DCAF11: variants seen among roughly 807,000 people sequenced by gnomAD.
DCAF11 encodes the protein DDB1- and CUL4-associated factor 11.
In DCAF11, 44 loss-of-function variants were observed where a neutral mutation model predicts 76.1. The ratio of observed to expected loss-of-function variants is 0.58; its 90% confidence interval spans 0.45 to 0.74. DCAF11 has a LOEUF of 0.74. Among genes scored for constraint, DCAF11 ranks in the 30% least tolerant of loss-of-function variants. DCAF11 has a pLI of 0.00. For synonymous variants in DCAF11, 258 were observed against 255.0 expected, an observed-to-expected ratio of 1.01 and a Z score of -0.11; for missense variants, 604 against 709.4, an observed-to-expected ratio of 0.85 and a Z score of 1.69.
chr14:24,116,875 G>A, intron 2 of DCAF11, 42 bp from the exon 3 acceptor site: 1 of 1,612,878 alleles, frequency 6.2e-7, no homozygotes, highest in East Asian at 2.2e-5. Flanking sequence ...GGTTGGTTTG[G>A]GGGAAGAAGT....
Position 24,123,433 on chromosome 14 carries a change from G to T in DCAF11, c.*124G>T. The T allele has an allele frequency of 7.1e-7, 1 of 1,402,964 alleles. No homozygotes were observed. The highest frequency in any genetic ancestry group is 9.4e-7 in the Non-Finnish European group (1 of 1,066,902). 86.9% of individuals were successfully genotyped at this position (1,402,964 alleles called of 1,614,324 possible). A position where few individuals can be genotyped will look rare whatever the true frequency, so the allele number is the denominator to read the frequency against. On this transcript the variant is annotated 3_prime_UTR_variant, in exon 15 of 15. Coordinates refer to ENST00000446197, the MANE Select transcript of DCAF11 (RefSeq NM_025230.5). ...ATTTGATGGGGAATAACATAAGCCT[G>T]GGCTCTGAGCCTCAGCTGAGCCCTG...
In DCAF11 at chr14:24,117,179, G is replaced by A. The variant is rs2037596877; in HGVS notation, c.284-87G>A. On this transcript the variant is annotated intron_variant, in intron 3 of 14. Transcript: ENST00000446197. The surrounding 1 kb of genome is among the most constrained non-coding windows in gnomAD (Gnocchi z 4.3). ...AGTCCTTACAGCCCCAGTATATTCA[G>A]CCACAGGGGTGGGCTTGGGTACAGT... The A allele has an allele frequency of 6.2e-7, 1 of 1,603,096 alleles. No individual in the cohort carries two copies. The highest frequency in any genetic ancestry group is 1.7e-5 in the Admixed American group (1 of 59,322).
chr14:24,118,563 C>A, intron 7 of DCAF11, 29 bp downstream of exon 7: 1 of 1,608,796 alleles, frequency 6.2e-7, no homozygotes, highest in Non-Finnish European at 8.5e-7. Context: ...TCCACTGACT[C>A]TCCAGCCTGG....
rs1426598405 is a variant in DCAF11 at position 24,123,306 on chromosome 14, G to A, written c.1638G>A (p.Gln546=). The part of the protein sequence containing the change: ...PQSSTPFSSP[Q] ...CCTCTACACCCTTTTCCTCACCCCA[G>A]TAGATCCAACCTCCAGCCCCATATA... The change falls in exon 15 of 15, where the codon CAG becomes CAA. Residue 546 remains glutamine (Q), a synonymous_variant. Transcript: ENST00000446197. 3 of 1,525,784 alleles carry A rather than the reference G, an allele frequency of 2.0e-6. No homozygotes were observed. The highest frequency in any genetic ancestry group is 1.8e-4 in the Middle Eastern group (1 of 5,616). The allele number at this position is 1,525,784 out of a possible 1,614,324, so 94.5% of individuals were successfully genotyped here.
rs931759657 is a variant in DCAF11 at position 24,121,083 on chromosome 14, C to T, written c.1246+92C>T. On this transcript the variant is annotated intron_variant, in intron 12 of 14. Coordinates refer to ENST00000446197, the MANE Select transcript of DCAF11 (RefSeq NM_025230.5). The stretch of plus-strand genomic sequence containing the variant: ...CAGCCCTCTTTGCCAGGCATTAACT[C>T]TTTATTTGCTAAATCATGGATGGAA... 1.9e-5 allele frequency: 29 copies of T among 1,510,940 alleles called. No homozygotes were observed. In the African/African-American group the frequency reaches 3.6e-4, roughly 19 times the overall value. 93.6% of individuals were successfully genotyped at this position (1,510,940 alleles called of 1,614,324 possible).
At chr14:24,118,027 C>G (rs1000679395) in intron 5 of DCAF11, 28 bp from the exon 6 acceptor site, 1 of 1,509,736 alleles carries the variant, frequency 6.6e-7, no homozygotes, top group East Asian at 2.3e-5. Context: ...GAGCACCCCT[C>G]ACCCTCACTT....
chr14:24,119,496 C>T, intron 9 of DCAF11, 63 bp from the exon 10 acceptor site: 1 of 1,584,882 alleles, frequency 6.3e-7, no homozygotes, highest in South Asian at 1.1e-5. Context: ...CTCTCTAGAG[C>T]ATATACCACG....
At position 24,115,470 on chromosome 14, in the gene DCAF11, T is replaced by A. The variant is rs549136648; in HGVS notation, c.-125T>A. 7.1e-7 allele frequency: 1 copy of A among 1,403,358 alleles called. No homozygotes were observed. Among genetic ancestry groups the A allele is most frequent in the Admixed American group, 2.3e-5 (1 of 42,878 alleles). The allele number at this position is 1,403,358 out of a possible 1,614,324, so 86.9% of individuals were successfully genotyped here. A position where few individuals can be genotyped will look rare whatever the true frequency, so the allele number is the denominator to read the frequency against. ...CAGCCCCGAGGAAGGGTCACCCTCC[T>A]AGAGATAGCTACTACCCCGTCTCAG... On this transcript the variant is annotated 5_prime_UTR_variant, in exon 2 of 15. Coordinates refer to ENST00000446197, the MANE Select transcript of DCAF11 (RefSeq NM_025230.5).
At position 24,117,508 on chromosome 14, in the gene DCAF11, G is replaced by A. The variant is rs1201719743; in HGVS notation, c.411+115G>A. 3 of 1,551,262 alleles carry A rather than the reference G, an allele frequency of 1.9e-6. No homozygotes were observed. The East Asian group carries it at 6.8e-5, about 35-fold the overall frequency. On this transcript the variant is annotated intron_variant, in intron 4 of 14. Coordinates refer to ENST00000446197, the MANE Select transcript of DCAF11 (RefSeq NM_025230.5). The surrounding 1 kb of genome is among the most constrained non-coding windows in gnomAD (Gnocchi z 4.3). ...CAAAGTAGAAGCCTCAAGCGCTGGG[G>A]CTGGAGAGTTAACCAGCCTCCATCG...
chr14:24,118,775 G>C lies in DCAF11; in HGVS notation c.750G>C (p.Glu250Asp), dbSNP rs1280383482. The change falls in exon 8 of 15, where the codon GAG becomes GAC. Residue 250 changes from glutamate (E) to aspartate (D), a missense_variant. Coordinates refer to ENST00000446197, the MANE Select transcript of DCAF11 (RefSeq NM_025230.5). ...DYIHICNIYGEGDTHTALDLR... is the reference protein window; with the variant it reads ...DYIHICNIYGDGDTHTALDLR... ...TTCATATCTGCAATATCTATGGTGA[G>C]GGAGATACACACACTGCCCTGGATC... The C allele has an allele frequency of 6.2e-7, 1 of 1,614,074 alleles. No individual in the cohort carries two copies. The highest frequency in any genetic ancestry group is 8.5e-7 in the Non-Finnish European group (1 of 1,180,026).
chr14:24,117,155 G>T lies in DCAF11; in HGVS notation c.283+111G>T. The T allele has an allele frequency of 6.2e-7, 1 of 1,603,052 alleles. No homozygotes were observed. Among genetic ancestry groups the T allele is most frequent in the Non-Finnish European group, 8.5e-7 (1 of 1,172,722 alleles). On this transcript the variant is annotated intron_variant, in intron 3 of 14. Transcript: ENST00000446197. This position sits in a 1 kb window ranked among gnomAD's most constrained non-coding sequence, Gnocchi z 4.3. ...GGTACGATAATTTAAGGAATAAGGA[G>T]TCCTTACAGCCCCAGTATATTCAGC...
In DCAF11 at chr14:24,115,034, G is replaced by A. The variant is rs1343921810; in HGVS notation, c.-473G>A. On this transcript the variant is annotated 5_prime_UTR_variant, in exon 1 of 15. Transcript: ENST00000446197. ...CCGGCGCACCACGTGGGCGTGAGGC[G>A]AGGAAGGAGGGGTGTTAGGCCAAAT... is the stretch of plus-strand genomic sequence containing the variant. The A allele has an allele frequency of 2.0e-6, 2 of 985,680 alleles. No individual in the cohort carries two copies. Among genetic ancestry groups the A allele is most frequent in the African/African-American group, 3.5e-5 (2 of 57,266 alleles). The allele number at this position is 985,680 out of a possible 1,614,324, so 61.1% of individuals were successfully genotyped here.
rs1405041366 is a variant in DCAF11 at position 24,124,293 on chromosome 14, C to T, written c.*984C>T. On this transcript the variant is annotated 3_prime_UTR_variant, in exon 15 of 15. Coordinates refer to ENST00000446197, the MANE Select transcript of DCAF11 (RefSeq NM_025230.5). Reference sequence around the variant, plus strand: ...CACTTTCCATTAGAGCCTGGTAATACCCATATCACCTCTGCTCTGAGGCTG... The same window carrying T: ...CACTTTCCATTAGAGCCTGGTAATATCCATATCACCTCTGCTCTGAGGCTG... 6.6e-6 allele frequency: 1 copy of T among 152,258 alleles called. No homozygotes were observed. Among genetic ancestry groups the T allele is most frequent in the Non-Finnish European group, 1.5e-5 (1 of 68,052 alleles). The allele number at this position is 152,258 out of a possible 1,614,324, so 9.4% of individuals were successfully genotyped here. A position where few individuals can be genotyped will look rare whatever the true frequency, so the allele number is the denominator to read the frequency against.
In DCAF11 at chr14:24,114,787, T is replaced by C. The variant is rs1566588976; in HGVS notation, c.-720T>C. The C allele has an allele frequency of 1.0e-6, 1 of 985,946 alleles. No homozygotes were observed. The allele number at this position is 985,946 out of a possible 1,614,324, so 61.1% of individuals were successfully genotyped here. A position where few individuals can be genotyped will look rare whatever the true frequency, so the allele number is the denominator to read the frequency against. On this transcript the variant is annotated 5_prime_UTR_variant, in exon 1 of 15. Transcript: ENST00000446197. The stretch of plus-strand genomic sequence containing the variant: ...GGGGGCGGGGCCGTCGTGTGACGTT[T>C]GCAGCCCGCCGGCCAGGAAGCCGCG...
rs371898654 is a variant in DCAF11 at position 24,118,343 on chromosome 14, A to G, written c.578-45A>G. 24 of 1,610,616 alleles carry G rather than the reference A, an allele frequency of 1.5e-5. No individual in the cohort carries two copies. The East Asian group carries it at 3.3e-4, about 22-fold the overall frequency. Reference sequence around the variant, plus strand: ...GGGAGATGTCTAATCTAGAAAAGTTACAAGGAAACTGTCCCATAATTCTGC... The same window carrying G: ...GGGAGATGTCTAATCTAGAAAAGTTGCAAGGAAACTGTCCCATAATTCTGC... On this transcript the variant is annotated intron_variant, in intron 6 of 14. Transcript: ENST00000446197.
Position 24,117,105 on chromosome 14 carries a change from T to C in DCAF11, c.283+61T>C. ...ACTAGAAAACCTTTTAGTGATATTT[T>C]GAATGATAGGTTACATTGAAAGAAG... On this transcript the variant is annotated intron_variant, in intron 3 of 14. Coordinates refer to ENST00000446197, the MANE Select transcript of DCAF11 (RefSeq NM_025230.5). This position sits in a 1 kb window ranked among gnomAD's most constrained non-coding sequence, Gnocchi z 4.3. 1.9e-6 allele frequency: 3 copies of C among 1,612,850 alleles called. No homozygotes were observed. Among genetic ancestry groups the C allele is most frequent in the East Asian group, 2.2e-5 (1 of 44,886 alleles).
rs567312085 is a variant in DCAF11 at position 24,117,322 on chromosome 14, G to C, written c.340G>C (p.Glu114Gln). ...ATTCAATGAGATCAAGACACAAGTG[G>C]AACTGGCCACAGGGCAGCTGGGGCT... ...LEFNEIKTQVELATGQLGLRR... is the reference protein window; with the variant it reads ...LEFNEIKTQVQLATGQLGLRR... The change falls in exon 4 of 15, where the codon GAA becomes CAA. Residue 114 changes from glutamate (E) to glutamine (Q), a missense_variant. By Grantham distance (29) the Glu-to-Gln change is conservative (BLOSUM62 2). Transcript: ENST00000446197. This position sits in a 1 kb window ranked among gnomAD's most constrained non-coding sequence, Gnocchi z 4.3. The C allele has an allele frequency of 3.0e-5, 49 of 1,614,206 alleles. No homozygotes were observed. In the South Asian group the frequency reaches 5.4e-4, roughly 18 times the overall value.
chr14:24,120,361 C>T (rs1250864899), intron 11 of DCAF11, among the ~76,000 whole-genome samples: 3 of 152,172 alleles, frequency 2.0e-5, no homozygotes, highest in Non-Finnish European at 4.4e-5. Flanking sequence ...TCGAGACCAT[C>T]CTGGCTAACA....
chr14:24,121,428 T>C lies in DCAF11; in HGVS notation c.1310T>C (p.Leu437Pro). Reference protein sequence around the residue: ...SLMTYRGHGVLHTLIRCRFSP... With the variant: ...SLMTYRGHGVPHTLIRCRFSP... ...ATGACCTACCGGGGCCACGGAGTGC[T>C]GCACACCCTCATCCGCTGCCGGTTC... The change falls in exon 13 of 15, where the codon CTG becomes CCG. Residue 437 changes from leucine (L) to proline (P), a missense_variant. Leu to Pro is a moderately conservative substitution (Grantham distance 98). Coordinates refer to ENST00000446197, the MANE Select transcript of DCAF11 (RefSeq NM_025230.5). The C allele has an allele frequency of 6.2e-7, 1 of 1,614,200 alleles. No homozygotes were observed. Among genetic ancestry groups the C allele is most frequent in the South Asian group, 1.1e-5 (1 of 91,088 alleles).
Sources: gnomAD v4.1 joint callset for allele counts (sites outside exome capture counted in the v4.1 genomes callset) on GRCh38, gnomAD v4.1.1 for gene constraint, Gnocchi (gnomAD v3.1) non-coding constraint, MANE v1.5 for transcripts, NCBI Gene and HGNC (gene_info 2026-07-23, HGNC 2026-07-21) for gene names.